Variants in PHACTR2 observed in about 807,000 individuals in gnomAD.
PHACTR2 encodes the protein phosphatase and actin regulator 2.
PHACTR2 carries 30 observed loss-of-function variants against 76.0 expected under a neutral mutation model. That is an observed-to-expected ratio of 0.39 (90% CI 0.30 to 0.54). PHACTR2 has a LOEUF of 0.54. PHACTR2 is among the 20% of genes least tolerant of loss of function. The pLI, the probability that PHACTR2 is intolerant of heterozygous loss-of-function variation, is 0.61. For synonymous variants in PHACTR2, 292 were observed against 292.5 expected, an observed-to-expected ratio of 1.00 and a Z score of 0.02; for missense variants, 696 against 781.1, an observed-to-expected ratio of 0.89 and a Z score of 1.30.
intron 1 of PHACTR2, among the ~76,000 whole-genome samples, chr6:143,630,477 CAAATT>C (rs1402582015): frequency 1.3e-5 from 2 of 152,128 alleles, no homozygotes; most frequent in South Asian, 2.1e-4. Context: ...AGCTCAAAAA[CAAATT>C]AAAAGTGTTG....
At chr6:143,681,878 G>A (rs1777395788) in intron 1 of PHACTR2, among the ~76,000 whole-genome samples, 1 of 152,224 alleles carries the variant, frequency 6.6e-6, no homozygotes, top group South Asian at 2.1e-4. Flanking sequence ...GCCAAAAATT[G>A]ATTGACTGTG....
rs1004761333 is a variant in PHACTR2 at position 143,671,368 on chromosome 6, T to C, written c.14-40648T>C. On this transcript the variant is annotated intron_variant, in intron 1 of 11. Transcript: ENST00000305766. The surrounding 1 kb of genome is among the most constrained non-coding windows in gnomAD (Gnocchi z 4.6). Reference sequence around the variant, plus strand: ...AACATATGCCATGCTCCTGTCTTTATATTAACTGGTCTTTCTTCTTGGAAC... The same window carrying C: ...AACATATGCCATGCTCCTGTCTTTACATTAACTGGTCTTTCTTCTTGGAAC... 1.3e-5 allele frequency among the ~76,000 whole-genome samples: 2 copies of C among 152,222 alleles called. No individual in the cohort carries two copies. The highest frequency in any genetic ancestry group is 2.4e-5 in the African/African-American group (1 of 41,454).
rs1776099536 is a variant in PHACTR2 at position 143,807,965 on chromosome 6, A to G, written c.1922+832A>G. The stretch of plus-strand genomic sequence containing the variant: ...TTAACAGCAAACTTCCCTGAAATTG[A>G]TGGGGGAGGAGTGAGGTTTGTTATC... On this transcript the variant is annotated intron_variant, in intron 12 of 12. Coordinates refer to ENST00000440869, the MANE Select transcript of PHACTR2 (RefSeq NM_001100164.2). The surrounding 1 kb of genome is among the most constrained non-coding windows in gnomAD (Gnocchi z 5.5). Among the ~76,000 whole-genome samples, 1 of 152,092 alleles carries G rather than the reference A, an allele frequency of 6.6e-6. No homozygotes were observed. The highest frequency in any genetic ancestry group is 6.5e-5 in the Admixed American group (1 of 15,268).
intron 1 of PHACTR2, among the ~76,000 whole-genome samples, chr6:143,655,157 C>CAAA (rs151076366): frequency 3.0e-5 from 3 of 99,080 alleles, no homozygotes; most frequent in African/African-American, 8.0e-5. Flanking sequence ...AACTCCGTCT[C>CAAA]AAAAAAAAAA....
At chr6:143,792,919 A>T (rs1461222102) in intron 11 of PHACTR2, among the ~76,000 whole-genome samples, 1 of 152,260 alleles carries the variant, frequency 6.6e-6, no homozygotes, top group Admixed American at 6.5e-5. Context: ...TAACAGGCAA[A>T]TCATAAGACC....
intron 2 of PHACTR2, among the ~76,000 whole-genome samples, chr6:143,716,938 C>T (rs1448854708): frequency 6.6e-6 from 1 of 152,200 alleles, no homozygotes; most frequent in African/African-American, 2.4e-5. Flanking sequence ...CTTGCCCCTC[C>T]ATATCCTCTT....
intron 1 of PHACTR2, among the ~76,000 whole-genome samples, chr6:143,707,460 C>G (rs1222224577): frequency 1.3e-5 from 2 of 152,148 alleles, no homozygotes; most frequent in African/African-American, 4.8e-5. Context: ...ACCAGGAGTT[C>G]TTTTATGGAG....
At position 143,683,077 on chromosome 6, in the gene PHACTR2, G is replaced by A. The variant is rs1777434004; in HGVS notation, c.46+4868G>A. 6.6e-6 allele frequency among the ~76,000 whole-genome samples: 1 copy of A among 152,098 alleles called. No individual in the cohort carries two copies. Among genetic ancestry groups the A allele is most frequent in the Non-Finnish European group, 1.5e-5 (1 of 68,020 alleles). ...TATAATCCTTTTTGTATGTTGCTGG[G>A]TTAGGTTTACAAAAGTATTTTACTG... is the stretch of plus-strand genomic sequence containing the variant. On this transcript the variant is annotated intron_variant, in intron 1 of 12. Coordinates refer to ENST00000440869, the MANE Select transcript of PHACTR2 (RefSeq NM_001100164.2). The surrounding 1 kb of genome is among the most constrained non-coding windows in gnomAD (Gnocchi z 4.1).
At chr6:143,715,745 A>G (rs1009024613) in intron 2 of PHACTR2, among the ~76,000 whole-genome samples, 1 of 152,148 alleles carries the variant, frequency 6.6e-6, no homozygotes, top group Admixed American at 6.5e-5. Flanking sequence ...TGCCAACCCC[A>G]GCTATCCTTG....
chr6:143,699,842 A>G (rs571814720), intron 1 of PHACTR2, among the ~76,000 whole-genome samples: 1 of 152,248 alleles, frequency 6.6e-6, no homozygotes, highest in Admixed American at 6.5e-5. Context: ...TGCTGCAGTC[A>G]TCTCTTAACT....
rs1465609751 is a variant in PHACTR2, at chr6:143,558,491, A to C, written c.217+21284A>C. On this transcript the variant is annotated intron_variant, in intron 1 of 11. Coordinates refer to the PHACTR2 transcript ENST00000367584. The surrounding 1 kb of genome is among the most constrained non-coding windows in gnomAD (Gnocchi z 4.7). ...AGTAAAACTACTAGGTTTTAAAAAA[A>C]TTGAGTGTCAGATCTGTTATGAGGA... 6.6e-6 allele frequency among the ~76,000 whole-genome samples: 1 copy of C among 152,196 alleles called. No homozygotes were observed. The highest frequency in any genetic ancestry group is 1.5e-5 in the Non-Finnish European group (1 of 68,042).
At chr6:143,636,798 A>G (rs1177759185) in intron 1 of PHACTR2, among the ~76,000 whole-genome samples, 3 of 152,258 alleles carry the variant, frequency 2.0e-5, no homozygotes, top group Admixed American at 6.5e-5. Flanking sequence ...GCTATGATAC[A>G]TACCCAACTC....
chr6:143,797,438 G>C (rs1022721870), intron 11 of PHACTR2, among the ~76,000 whole-genome samples: 25 of 152,160 alleles, frequency 1.6e-4, no homozygotes, highest in African/African-American at 5.1e-4. Flanking sequence ...TGTCAATTTT[G>C]GCTTTTGTTG....
chr6:143,658,676 A>G lies in PHACTR2; in HGVS notation c.13+50354A>G, dbSNP rs989395121. ...TAAGCATTTGTGTATCTAAACATATATCTAAACATAGAAAAGGTATAGCAA... is the reference window on the plus strand; with the variant it reads ...TAAGCATTTGTGTATCTAAACATATGTCTAAACATAGAAAAGGTATAGCAA... On this transcript the variant is annotated intron_variant, in intron 1 of 11. Transcript: ENST00000305766. This position sits in a 1 kb window ranked among gnomAD's most constrained non-coding sequence, Gnocchi z 4.1. Among the ~76,000 whole-genome samples the G allele has an allele frequency of 1.3e-5, 2 of 152,186 alleles. No homozygotes were observed. The highest frequency in any genetic ancestry group is 4.8e-5 in the African/African-American group (2 of 41,436).
intron 1 of PHACTR2, among the ~76,000 whole-genome samples, chr6:143,650,829 A>C (rs974024712): frequency 6.6e-6 from 1 of 152,226 alleles, no homozygotes; most frequent in Non-Finnish European, 1.5e-5. Flanking sequence ...AAAATTGGCA[A>C]ATGGAATCTA....
rs1180727979 is a variant in PHACTR2 at position 143,672,450 on chromosome 6, G to C, written c.14-39566G>C. On this transcript the variant is annotated intron_variant, in intron 1 of 11. Coordinates refer to the PHACTR2 transcript ENST00000305766. The surrounding 1 kb of genome is among the most constrained non-coding windows in gnomAD (Gnocchi z 5.8). ...CACTCCAGCCTGGGCCACAGAGCAAGACGCTGTCTCAAAAACAAAAAACAA... is the reference window on the plus strand; with the variant it reads ...CACTCCAGCCTGGGCCACAGAGCAACACGCTGTCTCAAAAACAAAAAACAA... Among the ~76,000 whole-genome samples, 2 of 152,086 alleles carry C rather than the reference G, an allele frequency of 1.3e-5. No individual in the cohort carries two copies. The highest frequency in any genetic ancestry group is 2.9e-5 in the Non-Finnish European group (2 of 68,018).
chr6:143,784,723 C>T lies in PHACTR2; in HGVS notation c.1707+1443C>T, dbSNP rs564579819. On this transcript the variant is annotated intron_variant, in intron 10 of 12. Transcript: ENST00000440869. The surrounding 1 kb of genome is among the most constrained non-coding windows in gnomAD (Gnocchi z 4.5). ...AGATTTAATTGGACTTATAGTTCCA[C>T]ATGGCTGGGGAGGCCTCAGAATCAT... 1.6e-3 allele frequency among the ~76,000 whole-genome samples: 237 copies of T among 152,326 alleles called. No individual in the cohort carries two copies. Among genetic ancestry groups the T allele is most frequent in the Middle Eastern group, 6.8e-3 (2 of 294 alleles).
rs1413758509 is a variant in PHACTR2 at position 143,623,925 on chromosome 6, C to A, written c.13+15603C>A. 6.6e-6 allele frequency among the ~76,000 whole-genome samples: 1 copy of A among 152,142 alleles called. No homozygotes were observed. The highest frequency in any genetic ancestry group is 2.4e-5 in the African/African-American group (1 of 41,414). On this transcript the variant is annotated intron_variant, in intron 1 of 11. Coordinates refer to the PHACTR2 transcript ENST00000305766. This position sits in a 1 kb window ranked among gnomAD's most constrained non-coding sequence, Gnocchi z 5.9. ...CACAATATTCTGGGTACACTCAGAG[C>A]ACCCCCATAATAAGTTGCTAATGAC...
intron 1 of PHACTR2, among the ~76,000 whole-genome samples, chr6:143,635,487 C>T (rs1023740376): frequency 6.6e-6 from 1 of 152,136 alleles, no homozygotes; most frequent in African/African-American, 2.4e-5. Flanking sequence ...TAGATACTGC[C>T]GAGTTTTCCT....
Sources: gnomAD v4.1 joint callset for allele counts (sites outside exome capture counted in the v4.1 genomes callset) on GRCh38, gnomAD v4.1.1 for gene constraint, Gnocchi (gnomAD v3.1) non-coding constraint, MANE v1.5 for transcripts, NCBI Gene and HGNC (gene_info 2026-07-23, HGNC 2026-07-21) for gene names.